PPP2R2B: variants seen among roughly 807,000 people sequenced by gnomAD.
PPP2R2B encodes protein phosphatase 2 regulatory subunit Bbeta, also known as serine/threonine-protein phosphatase 2A 55 kDa regulatory subunit B beta isoform.
PPP2R2B carries 5 observed loss-of-function variants against 46.0 expected under a neutral mutation model. That is an observed-to-expected ratio of 0.11 (90% CI 0.06 to 0.23). The LOEUF is 0.23. Ranked by LOEUF, PPP2R2B falls within the 10% of genes least tolerant of loss-of-function variation. The probability of loss-of-function intolerance (pLI) is 1.00; values close to 1 mark genes in which losing one functional copy is unlikely to be tolerated. For synonymous variants in PPP2R2B, 215 were observed against 206.7 expected (o/e 1.04, Z -0.34); for missense variants, 367 against 575.0 (o/e 0.64, Z 3.70).
chr5:146,843,838 T>C (rs1022821114), intron 2 of PPP2R2B, among the ~76,000 whole-genome samples: 1 of 152,066 alleles, frequency 6.6e-6, no homozygotes, highest in Non-Finnish European at 1.5e-5. Flanking sequence ...ATTTTCTTAA[T>C]CCAGTCTATC....
chr5:147,067,702 A>C (rs1163145588), intron 2 of PPP2R2B, among the ~76,000 whole-genome samples: 4 of 152,168 alleles, frequency 2.6e-5, no homozygotes, highest in African/African-American at 7.2e-5. Flanking sequence ...TCTTCTAAAA[A>C]AGATCTCCCA....
rs979985733 is a variant in PPP2R2B at position 146,698,126 on chromosome 5, G to A, written c.187C>T (p.Arg63Cys). ...CTGTAAACATTGTATTCACCCCTACGATGAACCTGATTTTTACTCTGTAGG... is the reference window on the plus strand; with the variant it reads ...CTGTAAACATTGTATTCACCCCTACAATGAACCTGATTTTTACTCTGTAGG... ...REQESKNQVH[R>C]RGEYNVYSTF... The change falls in exon 4 of 10, where the codon CGT becomes TGT. Residue 63 changes from arginine (R) to cysteine (C), a missense_variant. Arg to Cys is a radical substitution (Grantham distance 180, BLOSUM62 -3). This residue lies in a region of PPP2R2B where 361 missense variants were observed against 545.5 expected (regional missense o/e 0.66). Transcript: ENST00000394411. 8 of 1,595,450 alleles carry A rather than the reference G, an allele frequency of 5.0e-6. No homozygotes were observed. Among genetic ancestry groups the A allele is most frequent in the South Asian group, 1.1e-5 (1 of 88,138 alleles).
At chr5:146,719,808 T>C (rs903530975) in intron 2 of PPP2R2B, among the ~76,000 whole-genome samples, 1 of 151,868 alleles carries the variant, frequency 6.6e-6, no homozygotes, top group Non-Finnish European at 1.5e-5. Flanking sequence ...GTTTCTATCA[T>C]CTAAAAAGTA....
At chr5:147,007,687 C>T (rs140363054) in intron 1 of PPP2R2B, among the ~76,000 whole-genome samples, 22 of 152,298 alleles carry the variant, frequency 1.4e-4, no homozygotes, top group Admixed American at 4.6e-4. Context: ...TGTGGCTTCA[C>T]TCCTGAAGTC....
At chr5:146,623,745 T>C (rs1259134769) in intron 7 of PPP2R2B, among the ~76,000 whole-genome samples, 1 of 152,202 alleles carries the variant, frequency 6.6e-6, no homozygotes, top group South Asian at 2.1e-4. Flanking sequence ...TTCGTGGGGA[T>C]AGCATTCCCC....
At chr5:146,987,140 A>G (rs1753468198) in intron 1 of PPP2R2B, among the ~76,000 whole-genome samples, 1 of 152,142 alleles carries the variant, frequency 6.6e-6, no homozygotes, top group Non-Finnish European at 1.5e-5. Context: ...ACAACTGAGA[A>G]TACTATATCT....
At chr5:147,054,603 G>T in intron 1 of PPP2R2B, 1 of 456,152 alleles carries the variant, frequency 2.2e-6, no homozygotes, top group Admixed American at 2.3e-5. Context: ...ATTACCTTAT[G>T]ATATAATACA....
intron 1 of PPP2R2B, among the ~76,000 whole-genome samples, chr5:146,961,256 A>C (rs932732957): frequency 3.3e-5 from 5 of 152,232 alleles, no homozygotes; most frequent in Non-Finnish European, 4.4e-5. Context: ...GGAAGGGGGA[A>C]GGCTATGATG....
intron 7 of PPP2R2B, among the ~76,000 whole-genome samples, chr5:146,601,947 G>C (rs563154780): frequency 3.3e-4 from 50 of 152,208 alleles, no homozygotes; most frequent in African/African-American, 1.2e-3. Context: ...TATGTTATTG[G>C]AGCCCATCAC....
intron 1 of PPP2R2B, among the ~76,000 whole-genome samples, chr5:147,020,601 A>G (rs901397326): frequency 1.1e-4 from 16 of 152,302 alleles, no homozygotes; most frequent in Admixed American, 5.2e-4. Context: ...GTGAAAATAA[A>G]TCAACAGTGC....
At chr5:146,829,812 T>C (rs1758815076) in intron 2 of PPP2R2B, among the ~76,000 whole-genome samples, 1 of 152,164 alleles carries the variant, frequency 6.6e-6, no homozygotes, top group Non-Finnish European at 1.5e-5. Flanking sequence ...TTTTTTTAAG[T>C]AAAAAACAGG....
At chr5:146,748,386 C>G (rs1007061975) in intron 2 of PPP2R2B, among the ~76,000 whole-genome samples, 11 of 152,148 alleles carry the variant, frequency 7.2e-5, no homozygotes, top group African/African-American at 2.4e-4. Flanking sequence ...AACTATAGGA[C>G]TATATCACAG....
At chr5:146,698,223 CA>C in intron 3 of PPP2R2B, 79 bp from the exon 4 acceptor site, 1 of 1,299,070 alleles carries the variant, frequency 7.7e-7, no homozygotes, top group East Asian at 2.8e-5. Context: ...CTTTTTTTTC[CA>C]GCAGTCATTG....
intron 2 of PPP2R2B, among the ~76,000 whole-genome samples, chr5:146,758,617 G>C (rs960192671): frequency 6.6e-5 from 10 of 152,016 alleles, no homozygotes; most frequent in African/African-American, 2.2e-4. Context: ...AACTTTGTCT[G>C]ATTTTTCCCC....
intron 2 of PPP2R2B, among the ~76,000 whole-genome samples, chr5:146,755,229 T>C (rs1753771498): frequency 6.6e-6 from 1 of 152,160 alleles, no homozygotes; most frequent in Non-Finnish European, 1.5e-5. Flanking sequence ...TTGTTATACA[T>C]GCATTCATAC....
chr5:146,778,613 C>G (rs1226080098), intron 2 of PPP2R2B, among the ~76,000 whole-genome samples: 1 of 152,080 alleles, frequency 6.6e-6, no homozygotes, highest in Non-Finnish European at 1.5e-5. Flanking sequence ...GTCAAAGTCT[C>G]CTGAGTTGAA....
chr5:146,965,449 T>C (rs1236947234), intron 1 of PPP2R2B, among the ~76,000 whole-genome samples: 1 of 152,146 alleles, frequency 6.6e-6, no homozygotes, highest in Non-Finnish European at 1.5e-5. Flanking sequence ...CAGTGGGACC[T>C]CAGGCAAGCA....
At chr5:146,972,253 G>C (rs1752692143) in intron 1 of PPP2R2B, among the ~76,000 whole-genome samples, 3 of 152,182 alleles carry the variant, frequency 2.0e-5, no homozygotes, top group Admixed American at 2.0e-4. Context: ...CCCTCCTCAT[G>C]TCATATCAGA....
At chr5:146,725,035 C>T (rs1464895385) in intron 2 of PPP2R2B, among the ~76,000 whole-genome samples, 1 of 150,488 alleles carries the variant, frequency 6.6e-6, no homozygotes, top group South Asian at 2.1e-4. Flanking sequence ...TTCATATATA[C>T]TTCTATTAAT....
Sources: gnomAD v4.1 joint callset for allele counts (sites outside exome capture counted in the v4.1 genomes callset) on GRCh38, gnomAD v4.1.1 for gene constraint, gnomAD v4.1.1 regional missense constraint, MANE v1.5 for transcripts, NCBI Gene and HGNC (gene_info 2026-07-23, HGNC 2026-07-21) for gene names.